Variants in EYS observed in about 807,000 individuals in gnomAD.
EYS encodes the protein protein eyes shut homolog.
EYS carries 250 observed loss-of-function variants against 282.1 expected under a neutral mutation model. That is an observed-to-expected ratio of 0.89 (90% confidence interval 0.80 to 0.98). The LOEUF (loss-of-function observed/expected upper bound fraction) is 0.98, where lower values mean the gene tolerates loss of function less well. Among genes scored for constraint, EYS ranks in the 50% least tolerant of loss-of-function variants. The pLI, the probability that EYS is intolerant of heterozygous loss-of-function variation, is 0.00. For synonymous variants in EYS, 1,355 were observed against 1,282.9 expected, an observed-to-expected ratio of 1.06 and a Z score of -1.20; for missense variants, 4,016 against 3,709.0, an observed-to-expected ratio of 1.08 and a Z score of -2.15.
At chr6:63,942,840 C>T (rs1562107631) in intron 35 of EYS, among the ~76,000 whole-genome samples, 1 of 152,180 alleles carries the variant, frequency 6.6e-6, no homozygotes, top group Non-Finnish European at 1.5e-5. Context: ...GAGACAGCAA[C>T]ACTCTTCTTC....
intron 15 of EYS, among the ~76,000 whole-genome samples, chr6:64,914,713 A>G (rs1768108142): frequency 6.6e-6 from 1 of 152,140 alleles, no homozygotes; most frequent in South Asian, 2.1e-4. Context: ...TAATTGGCAA[A>G]ATGGTATTAG....
chr6:64,731,592 A>T (rs1771969372), intron 22 of EYS, among the ~76,000 whole-genome samples: 1 of 152,228 alleles, frequency 6.6e-6, no homozygotes, highest in Admixed American at 6.5e-5. Flanking sequence ...AGAGAAATGC[A>T]GATCAAAACC....
chr6:64,174,920 G>A (rs755920435), intron 31 of EYS, among the ~76,000 whole-genome samples: 8 of 151,922 alleles, frequency 5.3e-5, no homozygotes, highest in Non-Finnish European at 2.9e-5. Context: ...TGGATTTCAA[G>A]AGTTTTTTTT....
chr6:65,248,733 A>C (rs972877778), intron 12 of EYS, among the ~76,000 whole-genome samples: 1 of 151,960 alleles, frequency 6.6e-6, no homozygotes, highest in African/African-American at 2.4e-5. Context: ...TCAAGGCAGA[A>C]AAAAAAATAG....
chr6:64,098,603 C>CTTTTT (rs544031589), intron 31 of EYS, among the ~76,000 whole-genome samples: 2 of 139,982 alleles, frequency 1.4e-5, no homozygotes, highest in Non-Finnish European at 1.6e-5. Flanking sequence ...TTCTTTCTTT[C>CTTTTT]TTTTTTTTTT....
At chr6:64,818,408 A>C (rs898994109) in intron 21 of EYS, among the ~76,000 whole-genome samples, 2 of 152,186 alleles carry the variant, frequency 1.3e-5, no homozygotes, top group African/African-American at 4.8e-5. Context: ...AACAGGACGA[A>C]TAGGATAGAA....
intron 35 of EYS, among the ~76,000 whole-genome samples, chr6:63,956,999 C>G (rs1488388819): frequency 2.0e-5 from 3 of 152,154 alleles, no homozygotes; most frequent in Non-Finnish European, 2.9e-5. Context: ...TTAGCATTTT[C>G]TGGAGTGTCC....
rs1167467672 is a variant in EYS at position 64,747,213 on chromosome 6, G to A, written c.3443+66165C>T. Among the ~76,000 whole-genome samples, 6 of 152,176 alleles carry A rather than the reference G, an allele frequency of 3.9e-5. No homozygotes were observed. The South Asian group carries it at 6.2e-4, about 16-fold the overall frequency. On this transcript the variant is annotated intron_variant, in intron 22 of 42. Transcript: ENST00000503581. ...ATGGGTTATATCATCTAGGTCCAGA[G>A]TAATTTTTAACTACCGTTAATTTCC...
intron 2 of EYS, among the ~76,000 whole-genome samples, chr6:65,533,050 TA>T (rs1205839618): frequency 1.3e-5 from 2 of 152,084 alleles, no homozygotes; most frequent in African/African-American, 2.4e-5. Context: ...AAAATATGTA[TA>T]AAAATTACTA....
intron 13 of EYS, among the ~76,000 whole-genome samples, chr6:65,004,785 A>ACT (rs138691344): frequency 7.0e-6 from 1 of 141,894 alleles, no homozygotes; most frequent in Non-Finnish European, 1.6e-5. Flanking sequence ...TATCATTGTG[A>ACT]CTCTCTCTCT....
chr6:64,854,604 AG>A (rs1180856448), intron 19 of EYS, among the ~76,000 whole-genome samples: 3 of 27,684 alleles, frequency 1.1e-4, no homozygotes, highest in Non-Finnish European at 2.0e-4. Context: ...GGGTGGGGGG[AG>A]GGGGGAGGGA....
In EYS at chr6:64,118,027, G is replaced by GA. The variant is rs560205509; in HGVS notation, c.6425-36026dup. ...GCAATGAAAACTATAAAACACTGATGAAAAAAAATGGAAGGGGACACAAAG... is the reference window on the plus strand; with the variant it reads ...GCAATGAAAACTATAAAACACTGATGAAAAAAAAATGGAAGGGGACACAAAG... On this transcript the variant is annotated intron_variant, in intron 31 of 42. Coordinates refer to ENST00000503581, the MANE Select transcript of EYS (RefSeq NM_001142800.2). Among the ~76,000 whole-genome samples, 327 of 151,724 alleles carry GA rather than the reference G, an allele frequency of 2.2e-3. 1 individual carries two copies. Among genetic ancestry groups the GA allele is most frequent in the African/African-American group, 7.4e-3 (306 of 41,452 alleles).
At chr6:63,990,676 C>A (rs9450498) in intron 34 of EYS, among the ~76,000 whole-genome samples, 1,973 of 151,736 alleles carry the variant, frequency 0.013, 40 homozygotes, top group African/African-American at 0.038. Context: ...CAGTTTCTCA[C>A]TAGGGAGGTA....
intron 35 of EYS, among the ~76,000 whole-genome samples, chr6:63,889,032 A>G (rs553661112): frequency 6.6e-6 from 1 of 152,196 alleles, no homozygotes; most frequent in African/African-American, 2.4e-5. Context: ...AGTGGAAGAA[A>G]GGATATCAGA....
intron 31 of EYS, among the ~76,000 whole-genome samples, chr6:64,161,697 T>C (rs1582364405): frequency 6.6e-6 from 1 of 152,128 alleles, no homozygotes; most frequent in East Asian, 1.9e-4. Context: ...ATTTAAAGAA[T>C]GTTTCATTAG....
chr6:65,197,061 A>G (rs944282909), intron 12 of EYS, among the ~76,000 whole-genome samples: 8 of 152,084 alleles, frequency 5.3e-5, no homozygotes, highest in African/African-American at 1.9e-4. Context: ...TCCAAAGGTC[A>G]TTCTGTAGCT....
At chr6:63,902,654 T>C (rs1277258585) in intron 35 of EYS, among the ~76,000 whole-genome samples, 2 of 152,196 alleles carry the variant, frequency 1.3e-5, no homozygotes, top group African/African-American at 2.4e-5. Context: ...ATTACATTAG[T>C]ATTCTGAAAT....
chr6:64,857,061 T>G (rs1399121949), intron 19 of EYS, among the ~76,000 whole-genome samples: 1 of 152,238 alleles, frequency 6.6e-6, no homozygotes, highest in East Asian at 1.9e-4. Context: ...TTGCCTTTGC[T>G]CTTTGTAAAT....
At chr6:64,029,467 G>A (rs115977475) in intron 33 of EYS, among the ~76,000 whole-genome samples, 5,810 of 152,182 alleles carry the variant, frequency 0.038, 185 homozygotes, top group Non-Finnish European at 0.056. Flanking sequence ...TCGGACAACC[G>A]CCTACTTAGA....
Sources: allele counts gnomAD v4.1 joint callset (sites outside exome capture counted in the v4.1 genomes callset), GRCh38; gene constraint gnomAD v4.1.1; transcripts MANE v1.5; gene names NCBI Gene and HGNC (gene_info 2026-07-23, HGNC 2026-07-21).